INF2: variants seen among roughly 807,000 people sequenced by gnomAD.
INF2 encodes the protein inverted formin 2, also known as inverted formin-2.
Under a neutral mutation model 123.5 loss-of-function variants are expected in INF2, and 43 were observed. That is an observed-to-expected ratio of 0.35 (90% CI 0.27 to 0.45). The LOEUF (loss-of-function observed/expected upper bound fraction) is 0.45. Among genes scored for constraint, INF2 ranks in the 20% least tolerant of loss-of-function variants. The pLI, the probability that INF2 is intolerant of heterozygous loss-of-function variation, is 1.00. For missense variants in INF2, 1,453 were observed against 1,682.7 expected (o/e 0.86, Z 2.39); for synonymous variants, 851 against 745.0 (o/e 1.14, Z -2.32).
intron 8 of INF2, 200 bp downstream of exon 8, chr14:104,708,202 G>A (rs961156022): frequency 7.6e-6 from 7 of 920,116 alleles, no homozygotes; most frequent in Admixed American, 7.3e-5. Flanking sequence ...TACCTCTGAG[G>A]ACCCCCCTCC....
rs755649066 is a variant in INF2, at chr14:104,707,854, C to A, written c.1587C>A (p.Pro529=). ...TACTGCCCTGCACCTGCAGCCCCCC[C>A]GTGGCGGGAGGCATGGAGGAGGTCA... ...PPLLPCTCSP[P]VAGGMEEVIV... is the part of the protein sequence containing the mutation. Residue 529 remains proline, a synonymous_variant, in exon 8 of 23, where the codon CCC becomes CCA. Coordinates refer to ENST00000392634, the MANE Select transcript of INF2 (RefSeq NM_022489.4). 3 of 1,605,662 alleles carry A rather than the reference C, an allele frequency of 1.9e-6. No individual in the cohort carries two copies. The highest frequency in any genetic ancestry group is 1.1e-5 in the South Asian group (1 of 90,870).
upstream of INF2, chr14:104,689,587 T>TGCAGCCCCCCCC: frequency 1.2e-6 from 1 of 851,068 alleles, no homozygotes; most frequent in Non-Finnish European, 1.4e-6. Context: ...CACCTCCTCT[T>TGCAGCCCCCCCC]CCTCCCGCCC....
At position 104,710,153 on chromosome 14, in the gene INF2, G is replaced by A. The variant is rs375390523; in HGVS notation, c.2204G>A (p.Arg735Gln). ...GCGGCCGCCGTGCTGGACATGGTGC[G>A]GCCCAAGGCCCAGCTGGTGCTGGCT... ...EGAAAVLDMV[R>Q]PKAQLVLAAC... Residue 735 changes from arginine (R) to glutamine (Q), a missense_variant, in exon 13 of 23, where the codon CGG (arginine) becomes CAG (glutamine). This residue lies in a region of INF2 where 192 missense variants were observed against 274.4 expected (regional missense o/e 0.70). Transcript: ENST00000392634. 2.6e-5 allele frequency: 40 copies of A among 1,552,068 alleles called. No individual in the cohort carries two copies. Among genetic ancestry groups the A allele is most frequent in the Middle Eastern group, 3.5e-4 (2 of 5,780 alleles).
rs4074531 is a variant in INF2, at chr14:104,701,773, G to C, written c.391+17G>C. Reference sequence around the variant, plus strand: ...TCTCCCAGGGTGAGCCGCAGTGTGGGAGGGCCGCCCAGGCGGACGCTGGGG... The same window carrying C: ...TCTCCCAGGGTGAGCCGCAGTGTGGCAGGGCCGCCCAGGCGGACGCTGGGG... On this transcript the variant is annotated intron_variant, in intron 2 of 22. Transcript: ENST00000392634. The C allele has an allele frequency of 1.4e-6, 2 of 1,478,384 alleles. No individual in the cohort carries two copies. Among genetic ancestry groups the C allele is most frequent in the Non-Finnish European group, 1.8e-6 (2 of 1,114,936 alleles). 91.6% of individuals were successfully genotyped at this position (1,478,384 alleles called of 1,614,324 possible).
rs1327837059 is a variant in INF2, at chr14:104,707,812, T to A, written c.1545T>A (p.Pro515=). ...PLLPGMGWGP[P]PPPPPLLPCT... is the part of the protein sequence containing the mutation. ...TGCCTGGTATGGGCTGGGGCCCTCCTCCACCCCCACCTCCACTACTGCCCT... is the reference window on the plus strand; with the variant it reads ...TGCCTGGTATGGGCTGGGGCCCTCCACCACCCCCACCTCCACTACTGCCCT... The change falls in exon 8 of 23, where the codon CCT becomes CCA. Residue 515 remains proline (P), a synonymous_variant. Transcript: ENST00000392634. 1.8e-6 allele frequency: 2 copies of A among 1,118,970 alleles called. No individual in the cohort carries two copies. The highest frequency in any genetic ancestry group is 1.4e-5 in the South Asian group (1 of 73,462). The allele number at this position is 1,118,970 out of a possible 1,614,324, so 69.3% of individuals were successfully genotyped here.
At chr14:104,706,201 G>A (rs1347311823) in intron 6 of INF2, 25 bp downstream of exon 6, 2 of 1,546,326 alleles carry the variant, frequency 1.3e-6, no homozygotes, top group Non-Finnish European at 1.7e-6. Context: ...GCAGGGCGGA[G>A]GGCAGCCCTC....
At chr14:104,707,114 TGG>T (rs370970975) in intron 7 of INF2, 63 bp downstream of exon 7, 2 of 1,396,684 alleles carry the variant, frequency 1.4e-6, no homozygotes, top group South Asian at 2.6e-5. Flanking sequence ...TCTTAGACCA[TGG>T]GGGGGGGAGC....
rs1595179091 is a variant in INF2 at position 104,713,687 on chromosome 14, C to G, written c.3040+81C>G. On this transcript the variant is annotated intron_variant, in intron 20 of 22. Coordinates refer to ENST00000392634, the MANE Select transcript of INF2 (RefSeq NM_022489.4). ...TGCCTCCAGGAAGTCCTCCTGACTT[C>G]ACTGGAAAGCCCTCTCCTCTCCCTG... The G allele has an allele frequency of 4.7e-6, 7 of 1,474,080 alleles. No individual in the cohort carries two copies. In the East Asian group the frequency reaches 1.7e-4, roughly 35 times the overall value. The allele number at this position is 1,474,080 out of a possible 1,614,324, so 91.3% of individuals were successfully genotyped here.
intron 1 of INF2, among the ~76,000 whole-genome samples, chr14:104,682,913 G>C (rs1468070320): frequency 1.3e-5 from 2 of 152,062 alleles, no homozygotes; most frequent in Non-Finnish European, 2.9e-5. Flanking sequence ...CATGCAGCCT[G>C]CGCTAGTGGC....
Position 104,699,402 on chromosome 14 carries a change from G to A in INF2, c.-9-1955G>A. On this transcript the variant is annotated intron_variant, in intron 1 of 22. Coordinates refer to ENST00000392634, the MANE Select transcript of INF2 (RefSeq NM_022489.4). This position sits in a 1 kb window ranked among gnomAD's most constrained non-coding sequence, Gnocchi z 4.7. ...AATATATGCAGAGGCCCGGCTGCCT[G>A]GCTCTTCATGGTGGTGGGAGCAACC... 1 of 985,350 alleles carries A rather than the reference G, an allele frequency of 1.0e-6. No homozygotes were observed. The highest frequency in any genetic ancestry group is 1.2e-6 in the Non-Finnish European group (1 of 829,904). The allele number at this position is 985,350 out of a possible 1,614,324, so 61.0% of individuals were successfully genotyped here. A position where few individuals can be genotyped will look rare whatever the true frequency, so the allele number is the denominator to read the frequency against.
rs1436906163 is a variant in INF2, at chr14:104,689,743, A to T, written c.-10+4A>T. The T allele has an allele frequency of 1.0e-6, 1 of 984,934 alleles. No individual in the cohort carries two copies. Among genetic ancestry groups the T allele is most frequent in the Admixed American group, 6.2e-5 (1 of 16,242 alleles). The allele number at this position is 984,934 out of a possible 1,614,324, so 61.0% of individuals were successfully genotyped here. A position where few individuals can be genotyped will look rare whatever the true frequency, so the allele number is the denominator to read the frequency against. Reference sequence around the variant, plus strand: ...CCTCTGGCCGTTGCCTCACCGGGTAAGTCCTTGGCCTCGGGGTCCGCTTGG... The same window carrying T: ...CCTCTGGCCGTTGCCTCACCGGGTATGTCCTTGGCCTCGGGGTCCGCTTGG... On this transcript the variant is annotated splice_donor_region_variant and intron_variant, in intron 1 of 22. Transcript: ENST00000392634.
At chr14:104,707,124 A>G (rs1019872208) in intron 7 of INF2, 73 bp downstream of exon 7, 7 of 1,503,102 alleles carry the variant, frequency 4.7e-6, no homozygotes, top group Middle Eastern at 2.3e-4. Context: ...TGGGGGGGGG[A>G]GCCTGCCCTT....
At chr14:104,713,365 T>A in intron 19 of INF2, 56 bp downstream of exon 19, 1 of 1,560,052 alleles carries the variant, frequency 6.4e-7, no homozygotes, top group Non-Finnish European at 8.7e-7. Flanking sequence ...TTGTCTGTGC[T>A]CCAGCCTCCC....
chr14:104,706,198 G>A (rs372724209), intron 6 of INF2, 22 bp downstream of exon 6: 63 of 1,548,556 alleles, frequency 4.1e-5, no homozygotes, highest in African/African-American at 2.2e-4. Context: ...GCTGCAGGGC[G>A]GAGGGCAGCC....
At chr14:104,709,835 T>C (rs1346397095) in intron 12 of INF2, 130 bp downstream of exon 12, 3 of 818,164 alleles carry the variant, frequency 3.7e-6, no homozygotes, top group Non-Finnish European at 6.1e-6. Flanking sequence ...AGGAGCAGCA[T>C]TGCAGCGGTT....
At position 104,709,698 on chromosome 14, in the gene INF2, A is replaced by G. The variant is rs1397806583; in HGVS notation, c.2131A>G (p.Ile711Val). The G allele has an allele frequency of 6.2e-7, 1 of 1,612,558 alleles. No individual in the cohort carries two copies. The highest frequency in any genetic ancestry group is 8.5e-7 in the Non-Finnish European group (1 of 1,179,704). ...CCACTTCTACCTCCTCCTGCTGGCCATTCCCTGGTGAGCATGGCCGCCCTC... is the reference window on the plus strand; with the variant it reads ...CCACTTCTACCTCCTCCTGCTGGCCGTTCCCTGGTGAGCATGGCCGCCCTC... ...ADHFYLLLLA[I>V]PCYQLRIECM... Residue 711 changes from isoleucine to valine, a missense_variant, in exon 12 of 23, where the codon ATT becomes GTT. This residue lies in a region of INF2 where 192 missense variants were observed against 274.4 expected (regional missense o/e 0.70). Coordinates refer to ENST00000392634, the MANE Select transcript of INF2 (RefSeq NM_022489.4).
At position 104,699,960 on chromosome 14, in the gene INF2, G is replaced by A. The variant is rs1046962125; in HGVS notation, c.-9-1397G>A. On this transcript the variant is annotated intron_variant, in intron 1 of 22. Transcript: ENST00000392634. This position sits in a 1 kb window ranked among gnomAD's most constrained non-coding sequence, Gnocchi z 4.7. The stretch of plus-strand genomic sequence containing the variant: ...GGTGGAGGGCTGAGGGGCGGTGCGG[G>A]GAGTAGGGGCTGGACTGCCGGAAAC... Among the ~76,000 whole-genome samples, 22 of 152,268 alleles carry A rather than the reference G, an allele frequency of 1.4e-4. No homozygotes were observed. The highest frequency in any genetic ancestry group is 2.6e-4 in the Non-Finnish European group (18 of 67,988).
chr14:104,688,809 G>C (rs569755192), upstream of INF2, among the ~76,000 whole-genome samples: 1 of 152,220 alleles, frequency 6.6e-6, no homozygotes, highest in Non-Finnish European at 1.5e-5. Context: ...AGGGTCAGAC[G>C]TCAGAAGGGA....
Position 104,713,589 on chromosome 14 carries a change from C to G in INF2, c.3023C>G (p.Pro1008Arg), listed in dbSNP as rs1451040775. The part of the protein sequence containing the change: ...GGSKAASMDP[P>R]RATEPVATSN... ...AGCAAGGCAGCCTCCATGGATCCCCCAAGAGCCACAGAGCCTGGTAAGACC... is the reference window on the plus strand; with the variant it reads ...AGCAAGGCAGCCTCCATGGATCCCCGAAGAGCCACAGAGCCTGGTAAGACC... The change falls in exon 20 of 23, where the codon CCA becomes CGA. Residue 1008 changes from proline (P) to arginine (R), a missense_variant. Physicochemically the swap from Pro to Arg is moderately radical, Grantham distance 103. Coordinates refer to ENST00000392634, the MANE Select transcript of INF2 (RefSeq NM_022489.4). 3 of 1,612,454 alleles carry G rather than the reference C, an allele frequency of 1.9e-6. No homozygotes were observed. Among genetic ancestry groups the G allele is most frequent in the South Asian group, 1.1e-5 (1 of 90,984 alleles).
Sources: allele counts gnomAD v4.1 joint callset (sites outside exome capture counted in the v4.1 genomes callset), GRCh38; gene constraint gnomAD v4.1.1; regional missense constraint gnomAD v4.1.1; non-coding constraint Gnocchi (gnomAD v3.1); transcripts MANE v1.5; gene names NCBI Gene and HGNC (gene_info 2026-07-23, HGNC 2026-07-21).